RBFOX2: variants seen among roughly 807,000 people sequenced by gnomAD.
RBFOX2 encodes the protein RNA binding protein fox-1 homolog 2.
Under a neutral mutation model 49.1 loss-of-function variants are expected in RBFOX2, and 10 were observed. That is an observed-to-expected ratio of 0.20 (90% confidence interval 0.13 to 0.35). RBFOX2 has a LOEUF of 0.35. RBFOX2 is among the 10% of genes least tolerant of loss of function. The probability of loss-of-function intolerance (pLI) is 1.00; values close to 1 mark genes in which losing one functional copy is unlikely to be tolerated. For missense variants in RBFOX2, 323 were observed against 486.9 expected, an observed-to-expected ratio of 0.66 and a Z score of 3.17; for synonymous variants, 183 against 187.4, an observed-to-expected ratio of 0.98 and a Z score of 0.19.
At chr22:35,885,839 C>T (rs2046486827) in intron 1 of RBFOX2, among the ~76,000 whole-genome samples, 1 of 142,842 alleles carries the variant, frequency 7.0e-6, no homozygotes, top group African/African-American at 2.7e-5. Context: ...GAAACCCAAA[C>T]CTAATTTTTT....
intron 4 of RBFOX2, among the ~76,000 whole-genome samples, chr22:35,773,820 T>C (rs991908442): frequency 6.6e-6 from 1 of 152,058 alleles, no homozygotes; most frequent in Non-Finnish European, 1.5e-5. Flanking sequence ...AAAATTGTTA[T>C]GTGGTTGGAT....
chr22:35,860,314 C>A (rs1047889242), intron 1 of RBFOX2, among the ~76,000 whole-genome samples: 2 of 152,174 alleles, frequency 1.3e-5, no homozygotes, highest in Non-Finnish European at 2.9e-5. Context: ...AAGTGGAATA[C>A]AGATGAACTG....
intron 1 of RBFOX2, among the ~76,000 whole-genome samples, chr22:36,011,367 T>C (rs895684655): frequency 6.6e-6 from 1 of 152,162 alleles, no homozygotes; most frequent in African/African-American, 2.4e-5. Flanking sequence ...CATGATTCCA[T>C]TAAAACACAG....
upstream of RBFOX2, among the ~76,000 whole-genome samples, chr22:35,941,970 A>G (rs763424775): frequency 2.0e-5 from 3 of 152,192 alleles, no homozygotes; most frequent in Non-Finnish European, 4.4e-5. Context: ...TGAATTTTAC[A>G]GGCATGGATC....
At chr22:35,957,377 G>A (rs897427929) in intron 1 of RBFOX2, among the ~76,000 whole-genome samples, 1 of 152,072 alleles carries the variant, frequency 6.6e-6, no homozygotes, top group East Asian at 1.9e-4. Context: ...ACTAGTACAG[G>A]ACCACAGATT....
At chr22:35,815,272 TGA>T (rs1488540242) in intron 1 of RBFOX2, among the ~76,000 whole-genome samples, 1 of 152,186 alleles carries the variant, frequency 6.6e-6, no homozygotes, top group Non-Finnish European at 1.5e-5. Flanking sequence ...GAAAATTAAT[TGA>T]GAGAGCAGGT....
At chr22:35,870,288 C>T (rs1347159872) in intron 1 of RBFOX2, among the ~76,000 whole-genome samples, 1 of 152,024 alleles carries the variant, frequency 6.6e-6, no homozygotes, top group Non-Finnish European at 1.5e-5. Flanking sequence ...GCAGGCAGAT[C>T]ATGAGGTCAG....
chr22:35,840,685 C>T (rs1197212419), upstream of RBFOX2: 3 of 947,850 alleles, frequency 3.2e-6, no homozygotes, highest in African/African-American at 1.8e-5. Context: ...GAGGGGCAAG[C>T]GCCATGTGCT....
chr22:35,958,977 T>TATA (rs755064541), intron 1 of RBFOX2, among the ~76,000 whole-genome samples: 24 of 151,060 alleles, frequency 1.6e-4, no homozygotes, highest in African/African-American at 4.6e-4. Context: ...ATATATATAT[T>TATA]GTGTAAAGCT....
At chr22:35,979,486 A>C (rs1273806166) in intron 1 of RBFOX2, among the ~76,000 whole-genome samples, 2 of 152,214 alleles carry the variant, frequency 1.3e-5, no homozygotes, top group Non-Finnish European at 2.9e-5. Flanking sequence ...AAGGAATATC[A>C]CATCTGCAGC....
chr22:35,819,834 T>C (rs138541881), intron 1 of RBFOX2, among the ~76,000 whole-genome samples: 33 of 152,318 alleles, frequency 2.2e-4, no homozygotes, highest in Admixed American at 5.9e-4. Context: ...TATCGGGGTA[T>C]TGGGCTGGAG....
intron 1 of RBFOX2, among the ~76,000 whole-genome samples, chr22:36,011,994 G>A (rs2058839903): frequency 6.6e-6 from 1 of 152,084 alleles, no homozygotes; most frequent in Non-Finnish European, 1.5e-5. Flanking sequence ...GATGCCTTCA[G>A]CTCTGATGAT....
rs567652606 is a variant in RBFOX2, at chr22:36,009,417, A to C, written c.186+18823T>G. Among the ~76,000 whole-genome samples the C allele has an allele frequency of 8.5e-5, 13 of 152,308 alleles. 2 individuals carry two copies. The South Asian group carries it at 2.5e-3, about 29-fold the overall frequency. On this transcript the variant is annotated intron_variant, in intron 1 of 13. Transcript: ENST00000438146. ...GAGACAGGGTTTCGCTCTGTTGCCC[A>C]GCCTGGAGTACAGTGGTGCAATCAT...
intron 1 of RBFOX2, among the ~76,000 whole-genome samples, chr22:35,815,179 A>C (rs1035645617): frequency 6.6e-6 from 1 of 152,212 alleles, no homozygotes; most frequent in Non-Finnish European, 1.5e-5. Context: ...AACAGAAGAA[A>C]GCATGAACCT....
intron 1 of RBFOX2, among the ~76,000 whole-genome samples, chr22:35,960,399 G>A (rs1207738786): frequency 1.3e-5 from 2 of 152,110 alleles, no homozygotes; most frequent in Non-Finnish European, 2.9e-5. Context: ...GAACCAACCC[G>A]ATTTCAAAGA....
At chr22:35,870,775 T>C (rs956668723) in intron 1 of RBFOX2, among the ~76,000 whole-genome samples, 30 of 152,200 alleles carry the variant, frequency 2.0e-4, no homozygotes, top group Admixed American at 4.6e-4. Context: ...TAATGAACTA[T>C]ATTCGTTGGA....
At chr22:35,864,950 G>C (rs2149121857) in intron 1 of RBFOX2, among the ~76,000 whole-genome samples, 1 of 152,316 alleles carries the variant, frequency 6.6e-6, no homozygotes, top group East Asian at 1.9e-4. Flanking sequence ...CCTCTCAGGA[G>C]GCCCTGCCAA....
chr22:35,746,621 C>T (rs1056695956), intron 9 of RBFOX2, 60 bp from the exon 12 acceptor site: 64 of 1,091,460 alleles, frequency 5.9e-5, no homozygotes, highest in Non-Finnish European at 7.9e-5. Context: ...TACAGAAAAA[C>T]ACACACCCGC....
At chr22:36,002,853 T>C (rs1198532752) in intron 1 of RBFOX2, among the ~76,000 whole-genome samples, 1 of 152,242 alleles carries the variant, frequency 6.6e-6, no homozygotes. Context: ...CTCAAACTTC[T>C]GACCTCAGAT....
Sources: allele counts gnomAD v4.1 joint callset (sites outside exome capture counted in the v4.1 genomes callset), GRCh38; gene constraint gnomAD v4.1.1; transcripts MANE v1.5; gene names NCBI Gene and HGNC (gene_info 2026-07-23, HGNC 2026-07-21).